MYO1D: variants seen among roughly 807,000 people sequenced by gnomAD.
MYO1D encodes myosin ID, also known as unconventional myosin-Id.
A neutral mutation model predicts 122.0 loss-of-function variants in MYO1D; 83 were observed. The observed-to-expected ratio is 0.68, with a 90% CI of 0.57 to 0.82. MYO1D has a LOEUF of 0.82. Ranked by LOEUF, MYO1D falls within the 40% of genes least tolerant of loss-of-function variation. The pLI is 0.00. For synonymous variants in MYO1D, 464 were observed against 446.9 expected (o/e 1.04, Z -0.48); for missense variants, 1,157 against 1,269.5 (o/e 0.91, Z 1.35).
intron 16 of MYO1D, among the ~76,000 whole-genome samples, chr17:32,697,816 A>C (rs975899998): frequency 2.6e-5 from 4 of 152,250 alleles, no homozygotes; most frequent in Non-Finnish European, 2.9e-5. Context: ...TTAATAAAGC[A>C]ATTTTGCAAA....
intron 15 of MYO1D, among the ~76,000 whole-genome samples, chr17:32,720,431 G>C (rs1207420181): frequency 6.6e-6 from 1 of 152,086 alleles, no homozygotes; most frequent in Non-Finnish European, 1.5e-5. Flanking sequence ...GGCATGAAAA[G>C]GGTATGTAAT....
At chr17:32,610,194 G>A (rs990781587) in intron 20 of MYO1D, among the ~76,000 whole-genome samples, 7 of 152,104 alleles carry the variant, frequency 4.6e-5, no homozygotes, top group African/African-American at 1.7e-4. Context: ...ACCTGGACCA[G>A]AGGACAGGAG....
intron 21 of MYO1D, among the ~76,000 whole-genome samples, chr17:32,541,405 G>T (rs1054904024): frequency 6.6e-6 from 1 of 152,218 alleles, no homozygotes; most frequent in African/African-American, 2.4e-5. Flanking sequence ...GCAGAAAGTA[G>T]ATTAGTGATT....
chr17:32,837,247 G>A (rs1320266108), intron 1 of MYO1D, among the ~76,000 whole-genome samples: 1 of 123,174 alleles, frequency 8.1e-6, no homozygotes, highest in South Asian at 2.8e-4. Context: ...CAAAGTGCCT[G>A]CCTTTTCTTT....
intron 21 of MYO1D, among the ~76,000 whole-genome samples, chr17:32,543,538 T>C (rs181754549): frequency 1.3e-5 from 2 of 151,550 alleles, no homozygotes; most frequent in East Asian, 1.9e-4. Context: ...ATCATGCCAC[T>C]GCACTCCAGC....
intron 21 of MYO1D, among the ~76,000 whole-genome samples, chr17:32,577,624 T>C (rs1015253624): frequency 1.4e-5 from 2 of 147,946 alleles, no homozygotes; most frequent in African/African-American, 5.3e-5. Flanking sequence ...CAAGGACTCA[T>C]AGTCTAGTCA....
intron 13 of MYO1D, among the ~76,000 whole-genome samples, 179 bp from the exon 14 acceptor site, chr17:32,738,564 T>C (rs1235086188): frequency 2.0e-5 from 3 of 152,244 alleles, no homozygotes; most frequent in Non-Finnish European, 4.4e-5. Context: ...TAATGACTGA[T>C]ACTGCAATGC....
chr17:32,697,642 T>TA (rs36067017), intron 16 of MYO1D, among the ~76,000 whole-genome samples: 3,345 of 143,878 alleles, frequency 0.023, 101 homozygotes, highest in African/African-American at 0.076. Context: ...TATTTTCAGT[T>TA]AAAAAAAAAA....
chr17:32,585,129 C>A (rs1220054772), intron 21 of MYO1D, among the ~76,000 whole-genome samples: 1 of 152,130 alleles, frequency 6.6e-6, no homozygotes, highest in African/African-American at 2.4e-5. Flanking sequence ...ATATAATATT[C>A]TTTAACAAAT....
intron 21 of MYO1D, among the ~76,000 whole-genome samples, chr17:32,509,456 C>T (rs1231583835): frequency 6.6e-5 from 10 of 152,126 alleles, no homozygotes; most frequent in Non-Finnish European, 5.9e-5. Context: ...AGAGAAGCTC[C>T]GGGAATTGTA....
chr17:32,742,367 A>G (rs1049679284), intron 13 of MYO1D, among the ~76,000 whole-genome samples: 3 of 152,212 alleles, frequency 2.0e-5, no homozygotes, highest in Admixed American at 2.0e-4. Flanking sequence ...TTCCACTAGA[A>G]ATAAATCCAC....
intron 21 of MYO1D, among the ~76,000 whole-genome samples, chr17:32,534,481 A>G (rs1567880315): frequency 2.0e-5 from 3 of 152,216 alleles, no homozygotes; most frequent in Admixed American, 6.5e-5. Context: ...CTGGAAAAAT[A>G]TATTTTAAAA....
intron 1 of MYO1D, among the ~76,000 whole-genome samples, chr17:32,864,657 A>G (rs2091108992): frequency 6.6e-6 from 1 of 151,730 alleles, no homozygotes; most frequent in Non-Finnish European, 1.5e-5. Context: ...TTTTTCCTGC[A>G]TTACCAAAAA....
intron 15 of MYO1D, among the ~76,000 whole-genome samples, chr17:32,716,419 G>A (rs1372477961): frequency 6.6e-6 from 1 of 152,166 alleles, no homozygotes; most frequent in African/African-American, 2.4e-5. Context: ...TATGAAGGCA[G>A]GGACTTTGTT....
chr17:32,723,453 T>C (rs2089535880), intron 14 of MYO1D, among the ~76,000 whole-genome samples: 2 of 152,280 alleles, frequency 1.3e-5, no homozygotes, highest in Admixed American at 6.5e-5. Context: ...ACACCTGCCC[T>C]TTTTCATCTT....
intron 20 of MYO1D, among the ~76,000 whole-genome samples, chr17:32,620,522 G>C (rs1406974844): frequency 6.6e-6 from 1 of 152,152 alleles, no homozygotes; most frequent in African/African-American, 2.4e-5. Context: ...GGGATAGAAA[G>C]GAGGCAAAAA....
chr17:32,781,185 T>C (rs150687700), intron 1 of MYO1D, among the ~76,000 whole-genome samples: 225 of 152,350 alleles, frequency 1.5e-3, no homozygotes, highest in African/African-American at 5.2e-3. Flanking sequence ...AAGAGGACTG[T>C]CATATACATT....
chr17:32,700,259 T>G (rs941227512), intron 16 of MYO1D, among the ~76,000 whole-genome samples: 1 of 152,220 alleles, frequency 6.6e-6, no homozygotes, highest in African/African-American at 2.4e-5. Flanking sequence ...CATCAGGCAT[T>G]AGATTCTCAT....
intron 20 of MYO1D, among the ~76,000 whole-genome samples, chr17:32,634,108 G>A (rs889997539): frequency 6.6e-6 from 1 of 152,186 alleles, no homozygotes; most frequent in African/African-American, 2.4e-5. Context: ...TATTGAGGGT[G>A]TGATGTATAG....
Sources: gnomAD v4.1 joint callset for allele counts (sites outside exome capture counted in the v4.1 genomes callset) on GRCh38, gnomAD v4.1.1 for gene constraint, MANE v1.5 for transcripts, NCBI Gene and HGNC (gene_info 2026-07-23, HGNC 2026-07-21) for gene names.